Variants in ATP8B4 observed in about 807,000 individuals in gnomAD.
ATP8B4 encodes the protein probable phospholipid-transporting ATPase IM.
ATP8B4 carries 133 observed loss-of-function variants against 145.6 expected under a neutral mutation model. That is an observed-to-expected ratio of 0.91 (90% confidence interval 0.79 to 1.05). The LOEUF is 1.05. Ranked by LOEUF, ATP8B4 falls within the 50% of genes least tolerant of loss-of-function variation. ATP8B4 has a pLI of 0.00. For missense variants in ATP8B4, 1,458 were observed against 1,425.2 expected, an observed-to-expected ratio of 1.02 and a Z score of -0.37; for synonymous variants, 507 against 492.9, an observed-to-expected ratio of 1.03 and a Z score of -0.38.
At chr15:49,938,378 C>G (rs1160492322) in intron 14 of ATP8B4, among the ~76,000 whole-genome samples, 2 of 152,092 alleles carry the variant, frequency 1.3e-5, no homozygotes, top group Non-Finnish European at 2.9e-5. Flanking sequence ...TCACATGTAG[C>G]AACACCCACA....
chr15:49,932,366 C>A (rs907279123), intron 15 of ATP8B4, among the ~76,000 whole-genome samples: 1 of 151,884 alleles, frequency 6.6e-6, no homozygotes, highest in African/African-American at 2.4e-5. Flanking sequence ...CCATTAGCTT[C>A]ATCTTTATAA....
At chr15:49,891,740 G>A (rs940099421) in intron 23 of ATP8B4, among the ~76,000 whole-genome samples, 3 of 152,156 alleles carry the variant, frequency 2.0e-5, no homozygotes, top group Non-Finnish European at 2.9e-5. Context: ...CTCTTCCCAA[G>A]ATAGCAAGCA....
At position 50,178,413 on chromosome 15, in the gene ATP8B4, T is replaced by C. The variant is rs1179294669; in HGVS notation, c.-43+3848A>G. 1.3e-5 allele frequency among the ~76,000 whole-genome samples: 2 copies of C among 152,378 alleles called. 1 individual carries two copies. The highest frequency in any genetic ancestry group is 4.1e-4 in the South Asian group (2 of 4,834). On this transcript the variant is annotated intron_variant, in intron 1 of 3. Coordinates refer to the ATP8B4 transcript ENST00000558829. ...TTATGTTACTGAATAGACAAACTTG[T>C]ATAAAAACAATTTCTATATGGTATA...
At chr15:49,988,714 C>T (rs2046829208) in intron 9 of ATP8B4, among the ~76,000 whole-genome samples, 1 of 152,140 alleles carries the variant, frequency 6.6e-6, no homozygotes, top group Admixed American at 6.6e-5. Context: ...GCCTAGAGAT[C>T]CTCTATATTA....
At chr15:50,171,317 C>G (rs948667098) in intron 1 of ATP8B4, among the ~76,000 whole-genome samples, 20 of 152,108 alleles carry the variant, frequency 1.3e-4, no homozygotes, top group Non-Finnish European at 2.6e-4. Context: ...ATAAAACAAG[C>G]CTCAATAAAT....
chr15:50,110,488 G>A (rs1259915642), intron 1 of ATP8B4, among the ~76,000 whole-genome samples: 2 of 152,164 alleles, frequency 1.3e-5, no homozygotes, highest in Non-Finnish European at 2.9e-5. Flanking sequence ...TGAACTTTTG[G>A]AACAGTAAAG....
intron 6 of ATP8B4, among the ~76,000 whole-genome samples, chr15:50,028,261 C>T (rs966371087): frequency 4.6e-5 from 7 of 152,192 alleles, no homozygotes; most frequent in Non-Finnish European, 1.0e-4. Context: ...TCTATCTTTT[C>T]CTTTTCCTTC....
intron 13 of ATP8B4, among the ~76,000 whole-genome samples, chr15:49,967,974 A>C (rs556852053): frequency 1.3e-5 from 2 of 152,360 alleles, no homozygotes; most frequent in South Asian, 4.1e-4. Flanking sequence ...AATATTCAAC[A>C]GTCTTAAAGT....
chr15:49,924,301 G>A (rs2040517815), intron 16 of ATP8B4, among the ~76,000 whole-genome samples: 1 of 151,990 alleles, frequency 6.6e-6, no homozygotes, highest in Admixed American at 6.6e-5. Flanking sequence ...CACATAGTAG[G>A]CAATTAATAA....
chr15:50,128,835 G>A (rs1417138395), intron 1 of ATP8B4, among the ~76,000 whole-genome samples: 4 of 152,158 alleles, frequency 2.6e-5, no homozygotes, highest in African/African-American at 4.8e-5. Context: ...CAAGGTGGGC[G>A]GAGTTCGAGA....
chr15:50,021,265 T>A (rs1314888663), intron 6 of ATP8B4, among the ~76,000 whole-genome samples: 2 of 152,232 alleles, frequency 1.3e-5, no homozygotes, highest in African/African-American at 4.8e-5. Flanking sequence ...TTTGTCACCG[T>A]CATTCTGCTC....
At chr15:50,141,967 C>T (rs1214592552) in intron 1 of ATP8B4, among the ~76,000 whole-genome samples, 1 of 152,112 alleles carries the variant, frequency 6.6e-6, no homozygotes, top group African/African-American at 2.4e-5. Flanking sequence ...GCACATAAGG[C>T]TTCACATATG....
At chr15:50,141,734 T>C (rs1256232220) in intron 1 of ATP8B4, among the ~76,000 whole-genome samples, 3 of 152,244 alleles carry the variant, frequency 2.0e-5, no homozygotes, top group Non-Finnish European at 4.4e-5. Context: ...TTTTATGGCA[T>C]GTAAATTATA....
intron 13 of ATP8B4, among the ~76,000 whole-genome samples, chr15:49,969,336 G>C (rs529036427): frequency 1.3e-5 from 2 of 152,228 alleles, no homozygotes; most frequent in South Asian, 4.1e-4. Flanking sequence ...GAGTCCAGGA[G>C]CTGGTTTTTT....
At chr15:49,931,411 A>T in intron 15 of ATP8B4, 104 bp from the exon 16 acceptor site, 1 of 1,124,654 alleles carries the variant, frequency 8.9e-7, no homozygotes, top group Non-Finnish European at 1.3e-6. Flanking sequence ...CTCAAGCATC[A>T]GGTCTAAAAA....
intron 1 of ATP8B4, among the ~76,000 whole-genome samples, chr15:50,151,179 T>A (rs2044342591): frequency 6.6e-6 from 1 of 152,202 alleles, no homozygotes; most frequent in African/African-American, 2.4e-5. Flanking sequence ...GCTCTAGAAT[T>A]CAGGATTTAG....
chr15:49,998,924 T>C (rs919580913), intron 8 of ATP8B4, among the ~76,000 whole-genome samples: 1 of 152,256 alleles, frequency 6.6e-6, no homozygotes, highest in Admixed American at 6.6e-5. Context: ...GTATAAGGTG[T>C]AAGGAAGGGA....
chr15:50,010,907 C>A lies in ATP8B4; in HGVS notation c.373G>T (p.Glu125Ter). 1 of 1,550,086 alleles carries A rather than the reference C, an allele frequency of 6.5e-7. No individual in the cohort carries two copies. The highest frequency in any genetic ancestry group is 2.1e-5 in the Admixed American group (1 of 48,284). The change falls in exon 7 of 28, where the codon GAA becomes TAA. Residue 125 changes from glutamate (E) to a stop codon, truncating the protein, a stop_gained. Transcript: ENST00000284509. LOFTEE classifies it high-confidence loss of function. ...EVLINSKLQN[E>*]KWMNVKVGDI... is the part of the protein sequence containing the mutation. ...CCCACTTTGACATTCATCCATTTTTCATTCTGCAGTCTAAAAACAAAAATA... is the reference window on the plus strand; with the variant it reads ...CCCACTTTGACATTCATCCATTTTTAATTCTGCAGTCTAAAAACAAAAATA...
intron 1 of ATP8B4, among the ~76,000 whole-genome samples, chr15:50,150,148 C>T (rs1369339468): frequency 6.6e-6 from 1 of 152,036 alleles, no homozygotes; most frequent in Non-Finnish European, 1.5e-5. Context: ...TTATCCTTGG[C>T]TACAAGGATC....
Sources: gnomAD v4.1 joint callset for allele counts (sites outside exome capture counted in the v4.1 genomes callset) on GRCh38, gnomAD v4.1.1 for gene constraint, MANE v1.5 for transcripts, NCBI Gene and HGNC (gene_info 2026-07-23, HGNC 2026-07-21) for gene names.